The following IL18R1 variants were observed in gnomAD, a reference collection of about 807,000 sequenced individuals.
The protein encoded by IL18R1 is interleukin-18 receptor 1.
A neutral mutation model predicts 48.5 loss-of-function variants in IL18R1; 40 were observed. The observed-to-expected ratio is 0.82, with a 90% confidence interval of 0.64 to 1.07. The LOEUF is 1.07. IL18R1 is among the 50% of genes least tolerant of loss of function. IL18R1 has a pLI of 0.00. For synonymous variants in IL18R1, 232 were observed against 225.9 expected (o/e 1.03, Z -0.24); for missense variants, 596 against 633.7 (o/e 0.94, Z 0.64).
chr2:102,383,109 C>T (rs1281203731), intron 6 of IL18R1, among the ~76,000 whole-genome samples: 1 of 152,078 alleles, frequency 6.6e-6, no homozygotes, highest in Non-Finnish European at 1.5e-5. Flanking sequence ...TAGTTCTTGT[C>T]TCTTATTCAT....
rs778234725 is a variant in IL18R1 at position 102,368,039 on chromosome 2, T to C, written c.273T>C (p.Asn91=). 7 of 1,614,104 alleles carry C rather than the reference T, an allele frequency of 4.3e-6. No individual in the cohort carries two copies. In the African/African-American group the frequency reaches 9.3e-5, roughly 22 times the overall value. Residue 91 remains asparagine, a synonymous_variant, in exon 3 of 11, where the codon AAT becomes AAC. Coordinates refer to ENST00000233957, the MANE Select transcript of IL18R1 (RefSeq NM_003855.5). ...CVLEFWPVEL[N]DTGSYFFQMK... is the part of the protein sequence containing the mutation. ...TGGAGTTTTGGCCAGTTGAGTTGAA[T>C]GACACAGGATCTTACTTTTTCCAAA...
intron 2 of IL18R1, among the ~76,000 whole-genome samples, chr2:102,363,195 A>T (rs991385685): frequency 1.6e-5 from 2 of 124,322 alleles, no homozygotes; most frequent in Non-Finnish European, 3.3e-5. Flanking sequence ...GTGATTGCCT[A>T]GAGTTTTTTT....
chr2:102,375,876 A>T, intron 4 of IL18R1, 31 bp from the exon 5 acceptor site: 1 of 1,459,918 alleles, frequency 6.8e-7, no homozygotes, highest in Non-Finnish European at 9.1e-7. Flanking sequence ...GCTTTTACTT[A>T]AAGTATTTTA....
intron 2 of IL18R1, among the ~76,000 whole-genome samples, chr2:102,364,421 G>A (rs1332926075): frequency 1.3e-5 from 2 of 152,158 alleles, no homozygotes; most frequent in African/African-American, 2.4e-5. Flanking sequence ...CAGACATAAA[G>A]GAGCACATAT....
intron 7 of IL18R1, among the ~76,000 whole-genome samples, chr2:102,385,746 G>A: frequency 6.6e-6 from 1 of 152,236 alleles, no homozygotes; most frequent in East Asian, 1.9e-4. Context: ...GAGCAGGCAT[G>A]TGGTTCATGC....
rs1680140921 is a variant in IL18R1 at position 102,384,933 on chromosome 2, T to C, written c.744T>C (p.Tyr248=). The change falls in exon 7 of 11, where the codon TAT becomes TAC. Residue 248 remains tyrosine, a synonymous_variant. Coordinates refer to ENST00000233957, the MANE Select transcript of IL18R1 (RefSeq NM_003855.5). ...TGCTGAATGAAGAGGATGTAATTTA[T>C]TGGATGTTCGGGGAAGAAAATGGAT... The part of the protein sequence containing the change: ...SALLNEEDVI[Y]WMFGEENGSD... 6 of 1,610,800 alleles carry C rather than the reference T, an allele frequency of 3.7e-6. No individual in the cohort carries two copies. The highest frequency in any genetic ancestry group is 2.7e-5 in the African/African-American group (2 of 74,868).
chr2:102,375,134 G>A (rs1232623431), intron 4 of IL18R1, among the ~76,000 whole-genome samples: 2 of 152,230 alleles, frequency 1.3e-5, no homozygotes, highest in East Asian at 3.8e-4. Context: ...TCTGTGGGCA[G>A]TAGGTTCTCC....
intron 1 of IL18R1, among the ~76,000 whole-genome samples, chr2:102,356,952 C>T (rs573950610): frequency 8.7e-4 from 133 of 152,298 alleles, no homozygotes; most frequent in African/African-American, 3.1e-3. Flanking sequence ...GTGTCAATTG[C>T]AGCCAGATAC....
In IL18R1 at chr2:102,398,632, G is replaced by A. The variant is rs1172645260; in HGVS notation, c.*1746G>A. On this transcript the variant is annotated 3_prime_UTR_variant, in exon 11 of 11. Coordinates refer to ENST00000233957, the MANE Select transcript of IL18R1 (RefSeq NM_003855.5). ...AGTCTCTAATACATAGAATGATTTT[G>A]CTTTTCTCTTTTATTATACTTGCTT... The A allele has an allele frequency of 6.6e-6, 1 of 152,078 alleles. No individual in the cohort carries two copies. Among genetic ancestry groups the A allele is most frequent in the Non-Finnish European group, 1.5e-5 (1 of 67,952 alleles). The allele number at this position is 152,078 out of a possible 1,614,324, so 9.4% of individuals were successfully genotyped here.
chr2:102,374,891 C>G (rs879813830), intron 4 of IL18R1, among the ~76,000 whole-genome samples: 5 of 152,124 alleles, frequency 3.3e-5, no homozygotes, highest in Non-Finnish European at 7.4e-5. Context: ...AGCCTGTTGA[C>G]TGATCATGAC....
At chr2:102,379,794 A>G (rs900331165) in intron 5 of IL18R1, among the ~76,000 whole-genome samples, 5 of 152,170 alleles carry the variant, frequency 3.3e-5, no homozygotes, top group East Asian at 3.8e-4. Context: ...TACTTTGGGG[A>G]AAAGGATTCT....
chr2:102,359,319 A>G (rs1678442396), intron 1 of IL18R1, among the ~76,000 whole-genome samples: 1 of 152,382 alleles, frequency 6.6e-6, no homozygotes, highest in African/African-American at 2.4e-5. Context: ...AAATGAAGAA[A>G]CTATGTAAGC....
chr2:102,395,551 A>C lies in IL18R1; in HGVS notation c.1270+924A>C, dbSNP rs1680776519. 1.3e-5 allele frequency among the ~76,000 whole-genome samples: 2 copies of C among 152,184 alleles called. 1 individual carries two copies. The highest frequency in any genetic ancestry group is 4.1e-4 in the South Asian group (2 of 4,836). ...TTTAGTAATAAACAACTTGTCAAAA[A>C]AATATGCCAGATTATCAGATGCATA... On this transcript the variant is annotated intron_variant, in intron 10 of 10. Coordinates refer to ENST00000233957, the MANE Select transcript of IL18R1 (RefSeq NM_003855.5).
chr2:102,383,861 C>T (rs192208882), intron 6 of IL18R1, among the ~76,000 whole-genome samples: 3 of 152,178 alleles, frequency 2.0e-5, no homozygotes, highest in Admixed American at 2.0e-4. Flanking sequence ...TTTCCATCCA[C>T]TTGTTTATCT....
intron 1 of IL18R1, among the ~76,000 whole-genome samples, chr2:102,358,259 C>A (rs1029390568): frequency 6.6e-6 from 1 of 152,134 alleles, no homozygotes; most frequent in Non-Finnish European, 1.5e-5. Context: ...AGGTCAGTTT[C>A]TCAGGGTGGG....
At chr2:102,385,182 T>C (rs985175043) in intron 7 of IL18R1, among the ~76,000 whole-genome samples, 184 bp downstream of exon 7, 1 of 152,144 alleles carries the variant, frequency 6.6e-6, no homozygotes, top group Non-Finnish European at 1.5e-5. Flanking sequence ...TATGCAGAAA[T>C]GTATTGCCAA....
At chr2:102,372,396 G>T (rs929190066) in intron 4 of IL18R1, among the ~76,000 whole-genome samples, 9 of 152,028 alleles carry the variant, frequency 5.9e-5, no homozygotes, top group African/African-American at 2.2e-4. Context: ...CTTCTCTTTC[G>T]ATAAGTTAGT....
chr2:102,364,931 G>A (rs183930678), intron 2 of IL18R1, among the ~76,000 whole-genome samples: 1 of 152,238 alleles, frequency 6.6e-6, no homozygotes, highest in Non-Finnish European at 1.5e-5. Flanking sequence ...CACAGCATGA[G>A]GGTAATCACC....
At chr2:102,363,474 T>C (rs1252727528) in intron 2 of IL18R1, among the ~76,000 whole-genome samples, 4 of 152,134 alleles carry the variant, frequency 2.6e-5, no homozygotes, top group Non-Finnish European at 4.4e-5. Context: ...ATTATTGAGA[T>C]CCCTGCAATG....
Sources: allele counts gnomAD v4.1 joint callset (sites outside exome capture counted in the v4.1 genomes callset), GRCh38; gene constraint gnomAD v4.1.1; transcripts MANE v1.5; gene names NCBI Gene and HGNC (gene_info 2026-07-23, HGNC 2026-07-21).